Variants in BDKRB2 observed in about 807,000 individuals in gnomAD.
The protein encoded by BDKRB2 is bradykinin receptor B2, also known as B2 bradykinin receptor.
A neutral mutation model predicts 4.0 loss-of-function variants in BDKRB2; 6 were observed. That is an observed-to-expected ratio of 1.49 (90% confidence interval 0.81 to 2.93). The LOEUF is 2.93. BDKRB2 is among the 30% of genes most tolerant of loss of function. BDKRB2 has a pLI of 0.00. For missense variants in BDKRB2, 478 were observed against 520.1 expected, an observed-to-expected ratio of 0.92 and a Z score of 0.79; for synonymous variants, 225 against 215.3, an observed-to-expected ratio of 1.05 and a Z score of -0.40.
chr14:96,235,950 C>G (rs991775596), intron 1 of BDKRB2, among the ~76,000 whole-genome samples: 1 of 152,056 alleles, frequency 6.6e-6, no homozygotes, highest in Non-Finnish European at 1.5e-5. Context: ...GGGGATTAAG[C>G]CCCACCTCTA....
At chr14:96,230,945 A>AAG (rs1158407591) in intron 1 of BDKRB2, among the ~76,000 whole-genome samples, 1 of 151,114 alleles carries the variant, frequency 6.6e-6, no homozygotes, top group East Asian at 2.0e-4. Flanking sequence ...TTTTTTTTTA[A>AAG]AGAGAGAGAT....
intron 1 of BDKRB2, among the ~76,000 whole-genome samples, chr14:96,232,896 C>T (rs764042772): frequency 1.6e-4 from 25 of 152,158 alleles, no homozygotes; most frequent in Non-Finnish European, 2.9e-4. Context: ...TTTCCTTCTC[C>T]ACTTCCGAGT....
chr14:96,232,731 C>A (rs1183595116), intron 1 of BDKRB2, among the ~76,000 whole-genome samples: 1 of 152,174 alleles, frequency 6.6e-6, no homozygotes, highest in African/African-American at 2.4e-5. Flanking sequence ...CACGCTGAGA[C>A]GTTCTTGTTG....
intron 1 of BDKRB2, among the ~76,000 whole-genome samples, chr14:96,213,003 A>G (rs553198130): frequency 2.6e-5 from 4 of 152,080 alleles, no homozygotes; most frequent in Non-Finnish European, 5.9e-5. Flanking sequence ...GTATTTTTTT[A>G]ATAGTCAATA....
At chr14:96,213,524 AC>A (rs1890351309) in intron 1 of BDKRB2, among the ~76,000 whole-genome samples, 1 of 117,502 alleles carries the variant, frequency 8.5e-6, no homozygotes, top group Admixed American at 8.3e-5. Flanking sequence ...ACACACACAC[AC>A]ACACACACGT....
intron 1 of BDKRB2, among the ~76,000 whole-genome samples, chr14:96,228,071 C>T (rs1401579033): frequency 2.0e-5 from 3 of 147,032 alleles, no homozygotes; most frequent in South Asian, 2.3e-4. Context: ...CAATCCCTCA[C>T]TATTCCTTGG....
intron 1 of BDKRB2, among the ~76,000 whole-genome samples, chr14:96,227,306 T>C (rs7149163): frequency 0.2 from 30,719 of 152,228 alleles, 3,783 homozygotes; most frequent in South Asian, 0.28. Context: ...TACTTTGTGC[T>C]CACATTAACC....
intron 1 of BDKRB2, among the ~76,000 whole-genome samples, chr14:96,213,046 C>T (rs989051966): frequency 1.3e-5 from 2 of 152,124 alleles, no homozygotes; most frequent in African/African-American, 4.8e-5. Context: ...CCCGATTGTT[C>T]AACAGTCCTG....
chr14:96,220,435 C>CA, intron 1 of BDKRB2, among the ~76,000 whole-genome samples: 1 of 152,148 alleles, frequency 6.6e-6, no homozygotes, highest in Admixed American at 6.5e-5. Context: ...AAATCAATTA[C>CA]AAAAAGCAAA....
intron 1 of BDKRB2, among the ~76,000 whole-genome samples, chr14:96,216,103 T>A (rs988717815): frequency 6.6e-6 from 1 of 152,124 alleles, no homozygotes; most frequent in South Asian, 2.1e-4. Context: ...CCAAGGAAAG[T>A]AGGCAAGCTC....
At chr14:96,207,955 A>G (rs937336600) in intron 1 of BDKRB2, among the ~76,000 whole-genome samples, 4 of 152,152 alleles carry the variant, frequency 2.6e-5, no homozygotes, top group African/African-American at 7.2e-5. Context: ...ATGAATATCC[A>G]TCTTAGTGTG....
chr14:96,240,515 T>G lies in BDKRB2; in HGVS notation c.187T>G (p.Phe63Val). ...CTGGCTCAACACCATCCAGCCCCCC[T>G]TCCTCTGGGTGCTGTTCGTGCTGGC... ...LGWLNTIQPP[F>V]LWVLFVLATL... is the part of the protein sequence containing the mutation. The change falls in exon 3 of 3, where the codon TTC becomes GTC. Residue 63 changes from phenylalanine to valine, a missense_variant. Phe to Val is a conservative substitution (Grantham distance 50). Coordinates refer to ENST00000554311, the MANE Select transcript of BDKRB2 (RefSeq NM_001379692.1). 6.3e-7 allele frequency: 1 copy of G among 1,576,820 alleles called. No individual in the cohort carries two copies. The highest frequency in any genetic ancestry group is 8.6e-7 in the Non-Finnish European group (1 of 1,162,546).
At chr14:96,211,799 G>A (rs2139767594) in intron 1 of BDKRB2, among the ~76,000 whole-genome samples, 1 of 152,336 alleles carries the variant, frequency 6.6e-6, no homozygotes, top group East Asian at 1.9e-4. Flanking sequence ...GCTATAAATA[G>A]TAGTAGAATT....
At chr14:96,221,174 T>G (rs924543845) in intron 1 of BDKRB2, among the ~76,000 whole-genome samples, 1 of 152,088 alleles carries the variant, frequency 6.6e-6, no homozygotes, top group Non-Finnish European at 1.5e-5. Flanking sequence ...AAAATAGGTG[T>G]GGATTACATG....
At chr14:96,227,456 C>T (rs904356788) in intron 1 of BDKRB2, among the ~76,000 whole-genome samples, 2 of 152,176 alleles carry the variant, frequency 1.3e-5, no homozygotes, top group Non-Finnish European at 2.9e-5. Context: ...AACCACAAGA[C>T]TTGTGTAGTT....
At chr14:96,237,268 C>T (rs569156507) in intron 2 of BDKRB2, 87 bp downstream of exon 2, 1 of 1,253,182 alleles carries the variant, frequency 8.0e-7, no homozygotes, top group Non-Finnish European at 1.2e-6. Flanking sequence ...ACTCTCATGC[C>T]CCGGACAACA....
chr14:96,237,526 G>A (rs77240240), intron 2 of BDKRB2, among the ~76,000 whole-genome samples: 4,747 of 152,248 alleles, frequency 0.031, 144 homozygotes, highest in East Asian at 0.13. Flanking sequence ...TTGCCTTGGA[G>A]ACAAAATATC....
At chr14:96,232,077 A>G (rs1180040256) in intron 1 of BDKRB2, among the ~76,000 whole-genome samples, 1 of 152,170 alleles carries the variant, frequency 6.6e-6, no homozygotes, top group East Asian at 1.9e-4. Context: ...GGCCAGGTGG[A>G]AGGGAATCCC....
intron 2 of BDKRB2, chr14:96,240,144 C>A (rs1885234625): frequency 8.3e-7 from 1 of 1,202,758 alleles, no homozygotes; most frequent in Non-Finnish European, 1.0e-6. Context: ...TTGGTGGATA[C>A]TGGCCAAGGA....
Sources: allele counts gnomAD v4.1 joint callset (sites outside exome capture counted in the v4.1 genomes callset), GRCh38; gene constraint gnomAD v4.1.1; transcripts MANE v1.5; gene names NCBI Gene and HGNC (gene_info 2026-07-23, HGNC 2026-07-21).